The following SORCS2 variants were observed in gnomAD, a reference collection of about 807,000 sequenced individuals.
SORCS2 encodes the protein sortilin related VPS10 domain containing receptor 2, also known as VPS10 domain-containing receptor SorCS2.
SORCS2 carries 100 observed loss-of-function variants against 141.6 expected under a neutral mutation model. The observed-to-expected ratio is 0.71, with a 90% CI of 0.60 to 0.83. The LOEUF (loss-of-function observed/expected upper bound fraction) is 0.83, where lower values mean the gene tolerates loss of function less well. Ranked by LOEUF, SORCS2 falls within the 40% of genes least tolerant of loss-of-function variation. The pLI is 0.00. For synonymous variants in SORCS2, 789 were observed against 676.9 expected (o/e 1.17, Z -2.57); for missense variants, 1,646 against 1,560.2 (o/e 1.05, Z -0.93).
In SORCS2 at chr4:7,676,791, G is replaced by A. The variant is rs1237204330; in HGVS notation, c.1341+562G>A. On this transcript the variant is annotated intron_variant, in intron 9 of 26. Coordinates refer to ENST00000507866, the MANE Select transcript of SORCS2 (RefSeq NM_020777.3). ...CTTCCTCTCCCTCTGTGTGTCTGAA[G>A]TCTGCCTTTCTGTCTCTCTCTCTCT... Among the ~76,000 whole-genome samples the A allele has an allele frequency of 3.7e-4, 30 of 80,940 alleles. 2 individuals are homozygous for A. The highest frequency in any genetic ancestry group is 1.3e-3 in the African/African-American group (26 of 19,580). 53.1% of individuals were successfully genotyped at this position (80,940 alleles called of 152,430 possible). A position where few individuals can be genotyped will look rare whatever the true frequency, so the allele number is the denominator to read the frequency against.
intron 1 of SORCS2, among the ~76,000 whole-genome samples, chr4:7,223,206 T>C (rs893958286): frequency 1.2e-4 from 19 of 152,334 alleles, no homozygotes; most frequent in Non-Finnish European, 2.5e-4. Flanking sequence ...ACCCACATTC[T>C]GATTCCTCAC....
chr4:7,302,873 A>G (rs573773408), intron 1 of SORCS2, among the ~76,000 whole-genome samples: 2 of 152,214 alleles, frequency 1.3e-5, no homozygotes, highest in South Asian at 2.1e-4. Context: ...TATGGTATCA[A>G]TAAACAAGAA....
At chr4:7,686,817 G>A (rs1163795305) in intron 10 of SORCS2, among the ~76,000 whole-genome samples, 1 of 152,222 alleles carries the variant, frequency 6.6e-6, no homozygotes, top group African/African-American at 2.4e-5. Flanking sequence ...GCTGCCCCAG[G>A]AGAAGGGGGA....
chr4:7,295,412 T>C (rs1436551449), intron 1 of SORCS2, among the ~76,000 whole-genome samples: 1 of 151,840 alleles, frequency 6.6e-6, no homozygotes, highest in Non-Finnish European at 1.5e-5. Flanking sequence ...CTACTGGGCT[T>C]TGTCCAGGGA....
intron 1 of SORCS2, among the ~76,000 whole-genome samples, chr4:7,260,162 T>G (rs565843378): frequency 2.0e-5 from 3 of 152,206 alleles, no homozygotes. Flanking sequence ...ACTTTTCTTT[T>G]CCCTGTGGGT....
At chr4:7,409,928 T>C (rs916502483) in intron 2 of SORCS2, among the ~76,000 whole-genome samples, 1 of 152,258 alleles carries the variant, frequency 6.6e-6, no homozygotes, top group Non-Finnish European at 1.5e-5. Context: ...TTTTTCTGTC[T>C]TTTAATGTAT....
intron 1 of SORCS2, among the ~76,000 whole-genome samples, chr4:7,360,571 CTTTTTTTTTT>C (rs753548897): frequency 8.1e-5 from 4 of 49,272 alleles, no homozygotes; most frequent in African/African-American, 2.9e-4. Flanking sequence ...CCAGTCCCTT[CTTTTTTTTTT>C]TTTTTTTTTT....
chr4:7,458,745 C>T (rs1426000080), intron 2 of SORCS2, among the ~76,000 whole-genome samples: 1 of 152,012 alleles, frequency 6.6e-6, no homozygotes. Context: ...TCCTGTGGGA[C>T]AGCCTGGGGC....
At chr4:7,577,457 T>G (rs1024893001) in intron 3 of SORCS2, among the ~76,000 whole-genome samples, 12 of 151,312 alleles carry the variant, frequency 7.9e-5, no homozygotes, top group Non-Finnish European at 1.5e-4. Flanking sequence ...AGTCAGCTAG[T>G]GCCATGGTTT....
chr4:7,705,196 GGAGTGGAGCTGTGCA>G (rs1725351333), intron 14 of SORCS2, among the ~76,000 whole-genome samples: 1 of 152,156 alleles, frequency 6.6e-6, no homozygotes, highest in South Asian at 2.1e-4. Flanking sequence ...GAGGAGGCAT[GGAGTGGAGCTGTGCA>G]GCTGCAAGCC....
intron 2 of SORCS2, chr4:7,433,865 A>C (rs758431908): frequency 6.2e-7 from 1 of 1,613,892 alleles, no homozygotes; most frequent in Non-Finnish European, 8.5e-7. Flanking sequence ...GTGTCCACCA[A>C]GATGATGCAC....
chr4:7,412,316 C>A (rs962440273), intron 2 of SORCS2, among the ~76,000 whole-genome samples: 6 of 152,200 alleles, frequency 3.9e-5, no homozygotes, highest in African/African-American at 1.4e-4. Flanking sequence ...CAAACTGGGG[C>A]AGAAAGGGGT....
chr4:7,434,288 C>T, intron 2 of SORCS2: 1 of 1,612,888 alleles, frequency 6.2e-7, no homozygotes, highest in Non-Finnish European at 8.5e-7. Context: ...TTGGACCGGA[C>T]AGCCTCCTGG....
At chr4:7,275,630 GTAC>G (rs1191825886) in intron 1 of SORCS2, among the ~76,000 whole-genome samples, 2 of 152,132 alleles carry the variant, frequency 1.3e-5, no homozygotes, top group Admixed American at 1.3e-4. Context: ...TGCTGCTTGT[GTAC>G]CTGGTTCTAG....
rs1733449986 is a variant in SORCS2, at chr4:7,523,197, C to A, written c.549-8333C>A. Among the ~76,000 whole-genome samples, 5 of 152,146 alleles carry A rather than the reference C, an allele frequency of 3.3e-5. No homozygotes were observed. In the South Asian group the frequency reaches 1.0e-3, roughly 32 times the overall value. On this transcript the variant is annotated intron_variant, in intron 2 of 26. Transcript: ENST00000507866. ...TCCACAGATTCTAGGGAGAATTCCT[C>A]CCCAGAAGGGCAGGCTCAGGAGCCA...
chr4:7,421,279 C>T (rs1004262040), intron 2 of SORCS2, among the ~76,000 whole-genome samples: 5 of 152,238 alleles, frequency 3.3e-5, no homozygotes, highest in Non-Finnish European at 7.3e-5. Flanking sequence ...CACAGCTTCT[C>T]CTGTGTCTCC....
At chr4:7,276,555 C>A (rs563314060) in intron 1 of SORCS2, among the ~76,000 whole-genome samples, 2 of 152,132 alleles carry the variant, frequency 1.3e-5, no homozygotes. Context: ...TTATTGCTGC[C>A]GCTTCCTGCC....
At chr4:7,561,613 C>A (rs1202880882) in intron 3 of SORCS2, among the ~76,000 whole-genome samples, 1 of 138,158 alleles carries the variant, frequency 7.2e-6, no homozygotes, top group African/African-American at 3.3e-5. Context: ...TCTATCTACC[C>A]ATCCGTCTAT....
intron 3 of SORCS2, among the ~76,000 whole-genome samples, chr4:7,596,224 G>A (rs1167425183): frequency 5.9e-5 from 9 of 152,190 alleles, no homozygotes; most frequent in Admixed American, 5.9e-4. Flanking sequence ...AATCTAGGAT[G>A]TCCAAAAATA....
Sources: allele counts gnomAD v4.1 joint callset (sites outside exome capture counted in the v4.1 genomes callset), GRCh38; gene constraint gnomAD v4.1.1; transcripts MANE v1.5; gene names NCBI Gene and HGNC (gene_info 2026-07-23, HGNC 2026-07-21).